Variants in NBAS observed in about 807,000 individuals in gnomAD.
NBAS encodes NBAS subunit of NRZ tethering complex.
NBAS carries 219 observed loss-of-function variants against 302.5 expected under a neutral mutation model. The ratio of observed to expected loss-of-function variants is 0.72; its 90% CI spans 0.65 to 0.81. The LOEUF (loss-of-function observed/expected upper bound fraction) is 0.81, where lower values mean the gene tolerates loss of function less well. Among genes scored for constraint, NBAS ranks in the 30% least tolerant of loss-of-function variants. The probability of loss-of-function intolerance (pLI) is 0.00; values close to 1 mark genes in which losing one functional copy is unlikely to be tolerated. For synonymous variants in NBAS, 1,118 were observed against 1,021.6 expected, an observed-to-expected ratio of 1.09 and a Z score of -1.80; for missense variants, 2,932 against 2,841.6, an observed-to-expected ratio of 1.03 and a Z score of -0.72.
the NBAS span, among the ~76,000 whole-genome samples, chr2:14,805,497 C>G: frequency 6.6e-6 from 1 of 152,092 alleles, no homozygotes; most frequent in African/African-American, 2.4e-5. Context: ...GTGATATGGC[C>G]TATCTTTTAA....
chr2:15,260,352 A>G (rs1478057012), intron 44 of NBAS, among the ~76,000 whole-genome samples: 1 of 152,214 alleles, frequency 6.6e-6, no homozygotes, highest in Non-Finnish European at 1.5e-5. Context: ...CCTGGCTCTT[A>G]TCAGGCTTAC....
At chr2:15,242,945 G>T (rs957969132) in intron 44 of NBAS, among the ~76,000 whole-genome samples, 11 of 152,078 alleles carry the variant, frequency 7.2e-5, no homozygotes, top group African/African-American at 2.7e-4. Flanking sequence ...GGCTTACAAA[G>T]AAACCACATA....
intron 19 of NBAS, among the ~76,000 whole-genome samples, chr2:15,466,687 T>C (rs1012006335): frequency 7.2e-5 from 11 of 152,126 alleles, no homozygotes; most frequent in African/African-American, 2.7e-4. Flanking sequence ...CCTGTAATCC[T>C]AGCACTTCAG....
the NBAS span, among the ~76,000 whole-genome samples, chr2:15,056,833 C>T: frequency 1.2e-3 from 147 of 126,054 alleles, no homozygotes; most frequent in African/African-American, 3.0e-3. Flanking sequence ...TTTTTTTTTT[C>T]TTTTTTTTTT....
chr2:14,946,764 C>T, the NBAS span, among the ~76,000 whole-genome samples: 21,796 of 152,076 alleles, frequency 0.14, 2,027 homozygotes, highest in African/African-American at 0.27. Flanking sequence ...TCCTCTAGAA[C>T]AGGTGATATC....
At chr2:15,523,253 AG>A (rs1662764036) in intron 9 of NBAS, among the ~76,000 whole-genome samples, 1 of 152,190 alleles carries the variant, frequency 6.6e-6, no homozygotes, top group Admixed American at 6.5e-5. Flanking sequence ...TTTCCCGGAG[AG>A]ACTAACTGCT....
At chr2:15,498,354 T>C (rs1317801354) in intron 11 of NBAS, among the ~76,000 whole-genome samples, 1 of 152,092 alleles carries the variant, frequency 6.6e-6, no homozygotes, top group Non-Finnish European at 1.5e-5. Flanking sequence ...AAAATATATA[T>C]TTATCCCAAT....
chr2:15,143,581 C>T, the NBAS span, among the ~76,000 whole-genome samples: 1 of 152,184 alleles, frequency 6.6e-6, no homozygotes, highest in African/African-American at 2.4e-5. Flanking sequence ...AAACAGAGCA[C>T]GTGTGTCCCT....
chr2:14,877,342 C>T, the NBAS span, among the ~76,000 whole-genome samples: 9 of 152,258 alleles, frequency 5.9e-5, no homozygotes, highest in Admixed American at 2.6e-4. Context: ...TCAGCAACTT[C>T]GGGATCTAGT....
chr2:14,886,276 C>A, the NBAS span, among the ~76,000 whole-genome samples: 3 of 152,184 alleles, frequency 2.0e-5, no homozygotes, highest in East Asian at 5.8e-4. Flanking sequence ...TAATAGTCCT[C>A]ATTCTCCTAT....
At chr2:15,265,046 TTAC>T (rs1216402193) in intron 44 of NBAS, among the ~76,000 whole-genome samples, 1 of 152,186 alleles carries the variant, frequency 6.6e-6, no homozygotes, top group South Asian at 2.1e-4. Flanking sequence ...GCAAACTTCT[TTAC>T]TTGTCTTTTG....
chr2:15,433,614 T>C (rs747582058), intron 21 of NBAS, among the ~76,000 whole-genome samples: 2 of 152,168 alleles, frequency 1.3e-5, no homozygotes, highest in Non-Finnish European at 2.9e-5. Flanking sequence ...ATGTGATGAG[T>C]TGATTTATGA....
At chr2:15,550,603 T>C (rs1270536178) in intron 6 of NBAS, among the ~76,000 whole-genome samples, 1 of 151,822 alleles carries the variant, frequency 6.6e-6, no homozygotes, top group African/African-American at 2.4e-5. Flanking sequence ...TTTTTTTTTT[T>C]TGAGACGGAG....
At chr2:15,240,318 T>C (rs1490825412) in intron 44 of NBAS, among the ~76,000 whole-genome samples, 1 of 151,788 alleles carries the variant, frequency 6.6e-6, no homozygotes, top group East Asian at 1.9e-4. Flanking sequence ...AACAGAGTTA[T>C]GACTTTAAAA....
chr2:14,881,191 T>C, the NBAS span, among the ~76,000 whole-genome samples: 1 of 152,148 alleles, frequency 6.6e-6, no homozygotes. Flanking sequence ...TGCAGCAACA[T>C]AGATACAGCT....
rs770447718 is a variant in NBAS at position 15,561,265 on chromosome 2, T to C, written c.40A>G (p.Thr14Ala). 6.2e-7 allele frequency: 1 copy of C among 1,613,540 alleles called. No individual in the cohort carries two copies. Among genetic ancestry groups the C allele is most frequent in the African/African-American group, 1.3e-5 (1 of 75,016 alleles). Residue 14 changes from threonine (T) to alanine (A), a missense_variant, in exon 1 of 52, where the codon ACT (threonine) becomes GCT (alanine). Physicochemically the swap from Thr to Ala is moderately conservative, Grantham distance 58. Coordinates refer to ENST00000281513, the MANE Select transcript of NBAS (RefSeq NM_015909.4). ...ATCGTCTCCTCCTCACCCTCTGCAG[T>C]GCCTGGACTCAAAGCCGGCCCTGAC... ...PESGPALSPG[T>A]AEGEEETILY...
chr2:14,980,943 A>T, the NBAS span, among the ~76,000 whole-genome samples: 1 of 152,178 alleles, frequency 6.6e-6, no homozygotes, highest in Non-Finnish European at 1.5e-5. Flanking sequence ...TTGAAAGGTA[A>T]AGTTGGGGGA....
the NBAS span, among the ~76,000 whole-genome samples, chr2:15,081,336 A>T: frequency 6.6e-6 from 1 of 152,180 alleles, no homozygotes; most frequent in Admixed American, 6.5e-5. Context: ...GGTATGCCCA[A>T]GACGGTGTGC....
intron 1 of NBAS, among the ~76,000 whole-genome samples, chr2:15,559,352 T>C (rs904670570): frequency 1.3e-5 from 2 of 152,168 alleles, no homozygotes; most frequent in Non-Finnish European, 2.9e-5. Flanking sequence ...TGTGTATCTA[T>C]ACAGACAATG....
Sources: allele counts gnomAD v4.1 joint callset (sites outside exome capture counted in the v4.1 genomes callset), GRCh38; gene constraint gnomAD v4.1.1; transcripts MANE v1.5; gene names NCBI Gene and HGNC (gene_info 2026-07-23, HGNC 2026-07-21).